SAMM50: variants seen among roughly 807,000 people sequenced by gnomAD.
SAMM50 encodes the protein SAMM50 sorting and assembly machinery component, also known as sorting and assembly machinery component 50 homolog.
In SAMM50, 47 loss-of-function variants were observed where a neutral mutation model predicts 66.9. The observed-to-expected ratio is 0.70, with a 90% confidence interval of 0.56 to 0.90. The LOEUF (loss-of-function observed/expected upper bound fraction) is 0.90, where lower values mean the gene tolerates loss of function less well. Ranked by LOEUF, SAMM50 falls within the 40% of genes least tolerant of loss-of-function variation. SAMM50 has a pLI of 0.00. For missense variants in SAMM50, 535 were observed against 595.3 expected (o/e 0.90, Z 1.05); for synonymous variants, 191 against 214.1 (o/e 0.89, Z 0.94).
chr22:43,991,773 G>A (rs2146829254), intron 14 of SAMM50, among the ~76,000 whole-genome samples: 1 of 152,358 alleles, frequency 6.6e-6, no homozygotes, highest in African/African-American at 2.4e-5. Context: ...TTGGCTCGCA[G>A]ATGGCAGCCT....
intron 10 of SAMM50, 68 bp from the exon 11 acceptor site, chr22:43,981,316 CAGTTGCT>C (rs2146821691): frequency 1.7e-6 from 2 of 1,150,720 alleles, no homozygotes; most frequent in Admixed American, 1.7e-5. Context: ...AGTGTGTGGC[CAGTTGCT>C]AGTTGCTGAT....
At position 43,983,906 on chromosome 22, in the gene SAMM50, T is replaced by A; in HGVS notation, c.1008-27T>A. ...GTCGTTTCTCACCTCCTGACTTTCC[T>A]CTGACCTGTGTGCTGTTTTGTCCTA... On this transcript the variant is annotated intron_variant, in intron 11 of 14. Transcript: ENST00000350028. The surrounding 1 kb of genome is among the most constrained non-coding windows in gnomAD (Gnocchi z 4.2). 2 of 1,569,874 alleles carry A rather than the reference T, an allele frequency of 1.3e-6. No homozygotes were observed. The highest frequency in any genetic ancestry group is 1.7e-6 in the Non-Finnish European group (2 of 1,148,746).
rs1379578956 is a variant in SAMM50 at position 43,964,512 on chromosome 22, T to C, written c.193T>C (p.Cys65Arg). 1.2e-6 allele frequency: 2 copies of C among 1,612,194 alleles called. No homozygotes were observed. Among genetic ancestry groups the C allele is most frequent in the African/African-American group, 2.7e-5 (2 of 74,870 alleles). The change falls in exon 3 of 15, where the codon TGT (cysteine) becomes CGT (arginine). Residue 65 changes from cysteine to arginine, a missense_variant. Transcript: ENST00000350028. Reference protein sequence around the residue: ...LGRTKDDIIICEIGDVFKAKN... With the variant: ...LGRTKDDIIIREIGDVFKAKN... ...AAGGACTAAAGATGATATCATCATT[T>C]GTGAAATTGGAGATGTTTTCAAGGC...
In SAMM50 at chr22:43,989,145, C is replaced by T. The variant is rs773934108; in HGVS notation, c.1110C>T (p.Gly370=). Residue 370 remains glycine (G), a synonymous_variant, in exon 13 of 15, where the codon GGC becomes GGT. Transcript: ENST00000350028. ...DYLGGEAYWA[G]GLHLYTPLPF... is the part of the protein sequence containing the mutation. The stretch of plus-strand genomic sequence containing the variant: ...TAGGTGGAGAAGCGTACTGGGCCGG[C>T]GGCCTGCACCTCTACACCCCATTAC... 5.5e-5 allele frequency: 88 copies of T among 1,613,922 alleles called. No homozygotes were observed. The highest frequency in any genetic ancestry group is 2.8e-4 in the African/African-American group (21 of 74,872).
chr22:43,995,770 A>G (rs1260535908), intron 14 of SAMM50, among the ~76,000 whole-genome samples: 1 of 152,170 alleles, frequency 6.6e-6, no homozygotes. Context: ...CACTGTGTGG[A>G]GTCACACCTG....
rs1479537806 is a variant in SAMM50 at position 43,983,907 on chromosome 22, C to G, written c.1008-26C>G. The G allele has an allele frequency of 1.9e-6, 3 of 1,570,588 alleles. No individual in the cohort carries two copies. The highest frequency in any genetic ancestry group is 1.7e-4 in the Middle Eastern group (1 of 5,960). Reference sequence around the variant, plus strand: ...TCGTTTCTCACCTCCTGACTTTCCTCTGACCTGTGTGCTGTTTTGTCCTAG... The same window carrying G: ...TCGTTTCTCACCTCCTGACTTTCCTGTGACCTGTGTGCTGTTTTGTCCTAG... On this transcript the variant is annotated intron_variant, in intron 11 of 14. Transcript: ENST00000350028. This position sits in a 1 kb window ranked among gnomAD's most constrained non-coding sequence, Gnocchi z 4.2.
At chr22:43,984,326 T>A (rs1209367289) in intron 12 of SAMM50, among the ~76,000 whole-genome samples, 1 of 152,208 alleles carries the variant, frequency 6.6e-6, no homozygotes, top group Non-Finnish European at 1.5e-5. Context: ...ATTATTATTT[T>A]TTTTGAGATG....
At chr22:43,992,697 C>T (rs1198312677) in intron 14 of SAMM50, among the ~76,000 whole-genome samples, 3 of 152,354 alleles carry the variant, frequency 2.0e-5, no homozygotes, top group East Asian at 1.9e-4. Context: ...GTTTGGAGAA[C>T]TCAGTGAGTT....
At chr22:43,979,640 A>C (rs2050252270) in intron 10 of SAMM50, among the ~76,000 whole-genome samples, 3 of 147,974 alleles carry the variant, frequency 2.0e-5, no homozygotes, top group East Asian at 2.0e-4. Context: ...CTCCCCTTCC[A>C]CTCCCTGCCT....
chr22:43,990,269 G>C lies in SAMM50; in HGVS notation c.1227G>C (p.Glu409Asp). Residue 409 changes from glutamate to aspartate, a missense_variant, in exon 14 of 15, where the codon GAG becomes GAC. By Grantham distance (45) the Glu-to-Asp change is conservative. Coordinates refer to ENST00000350028, the MANE Select transcript of SAMM50 (RefSeq NM_015380.5). ...AGNLCNLNYG[E>D]GPKAHIRKLA... ...CACAGGTCTTTCTCTTTTCAGGGGA[G>C]GGCCCCAAAGCTCATATTCGTAAGC... 6.2e-7 allele frequency: 1 copy of C among 1,614,198 alleles called. No homozygotes were observed. Among genetic ancestry groups the C allele is most frequent in the East Asian group, 2.2e-5 (1 of 44,882 alleles).
At chr22:43,963,227 G>T (rs965591469) in intron 1 of SAMM50, 59 bp from the exon 2 acceptor site, 9 of 1,034,600 alleles carry the variant, frequency 8.7e-6, no homozygotes, top group Non-Finnish European at 1.3e-5. Flanking sequence ...AAACTCAAAG[G>T]TAAGTGTGTG....
intron 3 of SAMM50, among the ~76,000 whole-genome samples, chr22:43,968,080 C>T (rs1163626753): frequency 2.0e-5 from 3 of 151,342 alleles, no homozygotes; most frequent in Admixed American, 1.3e-4. Context: ...AAAAAAAATT[C>T]GCTTGGCGTG....
rs1027837610 is a variant in SAMM50 at position 43,955,515 on chromosome 22, C to T, written c.-63C>T. The T allele has an allele frequency of 1.1e-5, 17 of 1,562,354 alleles. No homozygotes were observed. Among genetic ancestry groups the T allele is most frequent in the Middle Eastern group, 3.4e-4 (2 of 5,952 alleles). Reference sequence around the variant, plus strand: ...CGCCACCGCGGACCCGCCTTCTGCCCTCAGCAGCAGACGCTCTGTCCCGCC... The same window carrying T: ...CGCCACCGCGGACCCGCCTTCTGCCTTCAGCAGCAGACGCTCTGTCCCGCC... On this transcript the variant is annotated 5_prime_UTR_variant, in exon 1 of 15. Coordinates refer to ENST00000350028, the MANE Select transcript of SAMM50 (RefSeq NM_015380.5).
chr22:43,955,671 C>T, intron 1 of SAMM50, 73 bp downstream of exon 1: 1 of 1,470,058 alleles, frequency 6.8e-7, no homozygotes, highest in Non-Finnish European at 9.2e-7. Flanking sequence ...CGGGGAGACG[C>T]TCTCGTGGCT....
intron 7 of SAMM50, 200 bp from the exon 8 acceptor site, chr22:43,975,855 T>G (rs2050228442): frequency 3.5e-6 from 2 of 573,186 alleles, no homozygotes; most frequent in African/African-American, 3.7e-5. Context: ...CTTCACAGCT[T>G]TCCCCCTTTC....
intron 3 of SAMM50, 27 bp from the exon 4 acceptor site, chr22:43,968,704 C>G: frequency 1.3e-6 from 2 of 1,490,120 alleles, no homozygotes; most frequent in Non-Finnish European, 1.9e-6. Flanking sequence ...AGAATATATT[C>G]CTTGTTTTTC....
At chr22:43,993,156 T>C (rs1168147646) in intron 14 of SAMM50, among the ~76,000 whole-genome samples, 4 of 152,178 alleles carry the variant, frequency 2.6e-5, no homozygotes, top group Admixed American at 2.6e-4. Flanking sequence ...CTAGCTTAAG[T>C]GGGTGGTTTT....
intron 3 of SAMM50, among the ~76,000 whole-genome samples, chr22:43,966,419 G>A (rs982177898): frequency 1.3e-5 from 2 of 151,788 alleles, no homozygotes; most frequent in Non-Finnish European, 2.9e-5. Flanking sequence ...GTGCAATGGC[G>A]CGATCTTGGC....
intron 1 of SAMM50, among the ~76,000 whole-genome samples, chr22:43,959,663 G>T (rs1247639194): frequency 1.3e-5 from 2 of 151,958 alleles, no homozygotes; most frequent in Non-Finnish European, 2.9e-5. Flanking sequence ...ATGAGCTACT[G>T]TGCCTAGCCC....
Sources: allele counts gnomAD v4.1 joint callset (sites outside exome capture counted in the v4.1 genomes callset), GRCh38; gene constraint gnomAD v4.1.1; non-coding constraint Gnocchi (gnomAD v3.1); transcripts MANE v1.5; gene names NCBI Gene and HGNC (gene_info 2026-07-23, HGNC 2026-07-21).